Variants in TRHDE observed in about 807,000 individuals in gnomAD.
TRHDE encodes thyrotropin-releasing hormone-degrading ectoenzyme.
TRHDE carries 72 observed loss-of-function variants against 125.7 expected under a neutral mutation model. That is an observed-to-expected ratio of 0.57 (90% CI 0.47 to 0.70). TRHDE has a LOEUF of 0.70. TRHDE is among the 30% of genes least tolerant of loss of function. The pLI, the probability that TRHDE is intolerant of heterozygous loss-of-function variation, is 0.00. For missense variants in TRHDE, 1,110 were observed against 1,327.1 expected, an observed-to-expected ratio of 0.84 and a Z score of 2.54; for synonymous variants, 509 against 509.1, an observed-to-expected ratio of 1.00 and a Z score of 0.00.
rs1379551504 is a variant in TRHDE, at chr12:72,157,217, CA to C, written n.279+51466del. On this transcript the variant is annotated intron_variant and non_coding_transcript_variant, in intron 2 of 4. Coordinates refer to the TRHDE transcript ENST00000548156. ...TAAATGATGGTTCTAAAAAATCCAG[CA>C]GTATAGAATGTGAAGACAGTGATAG... Among the ~76,000 whole-genome samples, 5 of 151,592 alleles carry C rather than the reference CA, an allele frequency of 3.3e-5. No individual in the cohort carries two copies. The East Asian group carries it at 9.7e-4, about 29-fold the overall frequency.
In TRHDE at chr12:72,609,779, A is replaced by C. The variant is rs184252721; in HGVS notation, c.2322-9112A>C. Among the ~76,000 whole-genome samples, 338 of 152,314 alleles carry C rather than the reference A, an allele frequency of 2.2e-3. 1 individual carries two copies. Among genetic ancestry groups the C allele is most frequent in the Non-Finnish European group, 3.1e-3 (212 of 68,024 alleles). ...TTTCCTGTTATTCACATATTTCTCC[A>C]AAAATCAGCCATATAGGAAGTTAGA... On this transcript the variant is annotated intron_variant, in intron 12 of 18. Transcript: ENST00000261180.
intron 2 of TRHDE, among the ~76,000 whole-genome samples, chr12:72,164,558 A>C (rs561151200): frequency 2.0e-5 from 3 of 152,124 alleles, no homozygotes; most frequent in African/African-American, 7.2e-5. Context: ...GCTGGACAAG[A>C]TGTCCACCTT....
intron 3 of TRHDE, among the ~76,000 whole-genome samples, chr12:72,429,477 C>T (rs1874348075): frequency 6.6e-6 from 1 of 151,780 alleles, no homozygotes; most frequent in Admixed American, 6.6e-5. Flanking sequence ...ATGAATAATG[C>T]TGCTATGAAT....
At chr12:72,530,416 C>CTTTTTT (rs71438816) in intron 6 of TRHDE, among the ~76,000 whole-genome samples, 78 of 68,434 alleles carry the variant, frequency 1.1e-3, no homozygotes, top group Admixed American at 1.4e-3. Context: ...TTCCTAGAAG[C>CTTTTTT]TTTTTTTTTT....
intron 2 of TRHDE, among the ~76,000 whole-genome samples, chr12:72,369,305 C>T (rs1839232091): frequency 6.6e-6 from 1 of 152,040 alleles, no homozygotes; most frequent in African/African-American, 2.4e-5. Context: ...CATATTTTTC[C>T]ACAGTCAGCG....
At chr12:72,131,975 G>A (rs1875876915) in intron 2 of TRHDE, among the ~76,000 whole-genome samples, 1 of 152,138 alleles carries the variant, frequency 6.6e-6, no homozygotes, top group African/African-American at 2.4e-5. Flanking sequence ...AATGATCAAG[G>A]ACAATAATAC....
intron 15 of TRHDE, among the ~76,000 whole-genome samples, chr12:72,626,934 C>A (rs1251614745): frequency 6.6e-6 from 1 of 151,868 alleles, no homozygotes; most frequent in African/African-American, 2.4e-5. Context: ...GTTCTTTATA[C>A]CACTATTTTT....
intron 2 of TRHDE, among the ~76,000 whole-genome samples, chr12:72,338,401 T>A (rs960469924): frequency 6.6e-6 from 1 of 152,162 alleles, no homozygotes; most frequent in Non-Finnish European, 1.5e-5. Context: ...TAAAGAAAGA[T>A]GAAGAAATAG....
rs138654743 is a variant in TRHDE at position 72,536,049 on chromosome 12, T to C, written c.1723-6242T>C. ...CCTGTATGTCAACGGAAAGTAATGA[T>C]ACATTATTTCTTAACTTCTCTTGTG... is the stretch of plus-strand genomic sequence containing the variant. On this transcript the variant is annotated intron_variant, in intron 6 of 18. Transcript: ENST00000261180. Among the ~76,000 whole-genome samples the C allele has an allele frequency of 1.4e-4, 21 of 152,292 alleles. No individual in the cohort carries two copies. The East Asian group carries it at 3.7e-3, about 27-fold the overall frequency.
Position 72,528,433 on chromosome 12 carries a change from T to G in TRHDE, c.1723-13858T>G, listed in dbSNP as rs78366457. On this transcript the variant is annotated intron_variant, in intron 6 of 18. Transcript: ENST00000261180. ...AAATGATGTTGTCTTCGTGTAGTTA[T>G]TCTACAGCCTGTTACTCACAAGTTC... Among the ~76,000 whole-genome samples the G allele has an allele frequency of 9.0e-3, 1,370 of 152,364 alleles. 70 individuals are homozygous for G. Among genetic ancestry groups the G allele is most frequent in the Admixed American group, 0.074 (1,137 of 15,300 alleles).
chr12:72,274,136 G>A (rs184468830), intron 1 of TRHDE, among the ~76,000 whole-genome samples: 4 of 152,278 alleles, frequency 2.6e-5, no homozygotes, highest in African/African-American at 7.2e-5. Flanking sequence ...AGTGAAAAGA[G>A]TGGTTTCCAG....
At chr12:72,149,907 C>G (rs193037066) in intron 2 of TRHDE, among the ~76,000 whole-genome samples, 1 of 152,152 alleles carries the variant, frequency 6.6e-6, no homozygotes, top group Admixed American at 6.5e-5. Flanking sequence ...TATGGATACT[C>G]CATAAGTACT....
intron 3 of TRHDE, among the ~76,000 whole-genome samples, chr12:72,458,563 C>T (rs1354439776): frequency 6.6e-6 from 1 of 152,034 alleles, no homozygotes; most frequent in East Asian, 1.9e-4. Flanking sequence ...AATCTTTTCC[C>T]CGACCCCAGC....
At chr12:72,406,184 T>G (rs1333612333) in intron 3 of TRHDE, among the ~76,000 whole-genome samples, 1 of 152,200 alleles carries the variant, frequency 6.6e-6, no homozygotes, top group Non-Finnish European at 1.5e-5. Flanking sequence ...ATTAAAAGAA[T>G]GTGCCGTGAC....
chr12:72,474,620 T>C (rs1876805853), intron 5 of TRHDE, among the ~76,000 whole-genome samples: 1 of 152,160 alleles, frequency 6.6e-6, no homozygotes, highest in Non-Finnish European at 1.5e-5. Flanking sequence ...GGCAGAATAG[T>C]ATTCTCTTGC....
chr12:72,490,907 A>G (rs1877646055), intron 5 of TRHDE, among the ~76,000 whole-genome samples: 1 of 151,376 alleles, frequency 6.6e-6, no homozygotes, highest in Non-Finnish European at 1.5e-5. Context: ...TCTAAGATAC[A>G]ATATGAGGAC....
At chr12:72,642,448 A>G (rs765039342) in intron 15 of TRHDE, among the ~76,000 whole-genome samples, 4 of 152,180 alleles carry the variant, frequency 2.6e-5, no homozygotes, top group Non-Finnish European at 5.9e-5. Context: ...ATTTAAAATG[A>G]GAATGGAATA....
intron 2 of TRHDE, among the ~76,000 whole-genome samples, chr12:72,366,063 C>A (rs940082982): frequency 6.6e-6 from 1 of 152,102 alleles, no homozygotes; most frequent in Admixed American, 6.6e-5. Context: ...GGAGGTCCAA[C>A]GAACTCTTTC....
intron 12 of TRHDE, among the ~76,000 whole-genome samples, chr12:72,596,299 T>A (rs2136053367): frequency 6.6e-6 from 1 of 152,248 alleles, no homozygotes; most frequent in Non-Finnish European, 1.5e-5. Flanking sequence ...CCTATTAAAA[T>A]CACTTTTACA....
Sources: allele counts gnomAD v4.1 joint callset (sites outside exome capture counted in the v4.1 genomes callset), GRCh38; gene constraint gnomAD v4.1.1; transcripts MANE v1.5; gene names NCBI Gene and HGNC (gene_info 2026-07-23, HGNC 2026-07-21).